Variants in SEC23A observed in about 807,000 individuals in gnomAD.
SEC23A encodes the protein SEC23 homolog A, COPII component.
SEC23A carries 56 observed loss-of-function variants against 103.7 expected under a neutral mutation model. The ratio of observed to expected loss-of-function variants is 0.54; its 90% CI spans 0.44 to 0.67. SEC23A has a LOEUF of 0.67. Among genes scored for constraint, SEC23A ranks in the 30% least tolerant of loss-of-function variants. The pLI, the probability that SEC23A is intolerant of heterozygous loss-of-function variation, is 0.00. For synonymous variants in SEC23A, 281 were observed against 293.0 expected (o/e 0.96, Z 0.42); for missense variants, 784 against 936.4 (o/e 0.84, Z 2.12).
At chr14:39,078,182 G>C (rs1274547855) in intron 7 of SEC23A, among the ~76,000 whole-genome samples, 2 of 152,012 alleles carry the variant, frequency 1.3e-5, no homozygotes, top group African/African-American at 4.8e-5. Flanking sequence ...TTGAGCCCAG[G>C]AGTTCGATGC....
rs759375833 is a variant in SEC23A at position 39,067,135 on chromosome 14, T to C, written c.1227+38A>G. 13 of 1,612,120 alleles carry C rather than the reference T, an allele frequency of 8.1e-6. No homozygotes were observed. The East Asian group carries it at 1.6e-4, about 19-fold the overall frequency. On this transcript the variant is annotated intron_variant, in intron 10 of 19. Coordinates refer to ENST00000307712, the MANE Select transcript of SEC23A (RefSeq NM_006364.4). ...TACACTCAAGCCTATAAGTTGTCTT[T>C]TGATAACATATCGCACATGTCAAGT...
chr14:39,064,868 C>G (rs1253197529), intron 11 of SEC23A, 45 bp downstream of exon 11: 1 of 1,368,672 alleles, frequency 7.3e-7, no homozygotes, highest in African/African-American at 1.4e-5. Context: ...GTGCAAGCCA[C>G]AGTTCCTGGT....
In SEC23A at chr14:39,061,810, T is replaced by C. The variant is rs770112771; in HGVS notation, c.1460A>G (p.His487Arg). ...TCGGATGCGTCTCTGCCCACTTGAA[T>C]GCTGATACTGAGTCACAAACTGGAT... is the stretch of plus-strand genomic sequence containing the variant. ...GAIQFVTQYQHSSGQRRIRVT... is the reference protein window; with the variant it reads ...GAIQFVTQYQRSSGQRRIRVT... The change falls in exon 13 of 20, where the codon CAT becomes CGT. Residue 487 changes from histidine to arginine, a missense_variant. His to Arg is a conservative substitution (Grantham distance 29). This residue lies in a region of SEC23A where 683 missense variants were observed against 774.2 expected (regional missense o/e 0.88). Coordinates refer to ENST00000307712, the MANE Select transcript of SEC23A (RefSeq NM_006364.4). The C allele has an allele frequency of 7.4e-6, 12 of 1,613,866 alleles. No homozygotes were observed. In the Admixed American group the frequency reaches 8.3e-5, roughly 11 times the overall value.
intron 13 of SEC23A, among the ~76,000 whole-genome samples, chr14:39,059,719 A>G (rs1365398910): frequency 6.6e-6 from 1 of 152,170 alleles, no homozygotes; most frequent in African/African-American, 2.4e-5. Flanking sequence ...TCTGCCTGAA[A>G]TACTTCAGTG....
At chr14:39,066,663 G>A (rs1469981920) in intron 10 of SEC23A, among the ~76,000 whole-genome samples, 2 of 151,970 alleles carry the variant, frequency 1.3e-5, no homozygotes, top group African/African-American at 2.4e-5. Context: ...TCAGGAGTTC[G>A]AGACCAGCCT....
intron 18 of SEC23A, chr14:39,039,363 T>C (rs1015959728): frequency 2.6e-6 from 1 of 382,298 alleles, no homozygotes; most frequent in Non-Finnish European, 4.6e-6. Flanking sequence ...AAAAATTATG[T>C]GTGCAACAAT....
At chr14:39,095,002 G>T in intron 2 of SEC23A, 1 of 700,428 alleles carries the variant, frequency 1.4e-6, no homozygotes, top group Non-Finnish European at 2.6e-6. Flanking sequence ...CTAGCTTCTG[G>T]GTAGAGAACA....
At chr14:39,091,393 T>C in intron 5 of SEC23A, 84 bp downstream of exon 5, 1 of 912,260 alleles carries the variant, frequency 1.1e-6, no homozygotes, top group South Asian at 1.4e-5. Flanking sequence ...AATAAAAATT[T>C]GTCCTAGAAA....
intron 16 of SEC23A, among the ~76,000 whole-genome samples, chr14:39,043,610 T>A (rs1009672871): frequency 6.6e-6 from 1 of 152,224 alleles, no homozygotes; most frequent in Non-Finnish European, 1.5e-5. Context: ...TTAGACTACA[T>A]CACTGAGAGG....
At chr14:39,094,682 G>T (rs1196292951) in intron 2 of SEC23A, among the ~76,000 whole-genome samples, 3 of 151,990 alleles carry the variant, frequency 2.0e-5, no homozygotes, top group African/African-American at 7.2e-5. Flanking sequence ...AGTATGATCA[G>T]AATGAAAAGG....
At chr14:39,078,588 G>A (rs1485090379) in intron 7 of SEC23A, among the ~76,000 whole-genome samples, 1 of 152,148 alleles carries the variant, frequency 6.6e-6, no homozygotes, top group Non-Finnish European at 1.5e-5. Flanking sequence ...GCCTGGAGAA[G>A]GGTCTTTGCA....
chr14:39,036,320 CAAAAAAAAAAAAA>C (rs59018206), intron 19 of SEC23A, among the ~76,000 whole-genome samples: 2 of 69,916 alleles, frequency 2.9e-5, no homozygotes, highest in Admixed American at 2.1e-4. Context: ...GACTCCGTCT[CAAAAAAAAAAAAA>C]AAAAAAAAAA....
At chr14:39,097,920 A>G (rs563945442) in intron 1 of SEC23A, among the ~76,000 whole-genome samples, 212 of 152,218 alleles carry the variant, frequency 1.4e-3, no homozygotes, top group Non-Finnish European at 2.6e-3. Context: ...CCCCGTCTCT[A>G]CTAAAAACAC....
At chr14:39,042,909 G>C in intron 16 of SEC23A, 37 bp from the exon 17 acceptor site, 8 of 1,256,684 alleles carry the variant, frequency 6.4e-6, no homozygotes, top group Non-Finnish European at 1.2e-6. Flanking sequence ...GAGGAAAAAG[G>C]AAAAATAATC....
At position 39,048,691 on chromosome 14, in the gene SEC23A, A is replaced by T. The variant is rs761166001; in HGVS notation, c.1698T>A (p.Ser566Arg). ...KFGEYHKDDP[S>R]SFRFSETFSL... ...AGAAAGTTTCTGAAAATCTGAAGGA[A>T]CTTGGGTCATCTTTATGATATTCTC... The change falls in exon 15 of 20, where the codon AGT (serine) becomes AGA (arginine). Residue 566 changes from serine (S) to arginine (R), a missense_variant. Coordinates refer to ENST00000307712, the MANE Select transcript of SEC23A (RefSeq NM_006364.4). 2 of 1,594,180 alleles carry T rather than the reference A, an allele frequency of 1.3e-6. No homozygotes were observed. The highest frequency in any genetic ancestry group is 2.2e-5 in the South Asian group (2 of 90,682).
intron 2 of SEC23A, 120 bp downstream of exon 2, chr14:39,095,778 G>A (rs894186683): frequency 7.6e-5 from 60 of 790,808 alleles, no homozygotes; most frequent in Non-Finnish European, 1.1e-4. Flanking sequence ...TGTTTTGACT[G>A]TCCTAATTTG....
intron 5 of SEC23A, chr14:39,091,017 C>A: frequency 2.6e-6 from 1 of 380,956 alleles, no homozygotes; most frequent in East Asian, 7.5e-5. Flanking sequence ...CCACTGCTGC[C>A]CCAGCTGAGG....
At chr14:39,090,114 C>A (rs1342822780) in intron 5 of SEC23A, among the ~76,000 whole-genome samples, 1 of 152,148 alleles carries the variant, frequency 6.6e-6, no homozygotes, top group Non-Finnish European at 1.5e-5. Flanking sequence ...CCTCAGTCTG[C>A]CAAGTTTCAA....
In SEC23A at chr14:39,074,297, T is replaced by C. The variant is rs796167433; in HGVS notation, c.1103+118A>G. ...GAATATCAAAAACTACTAACAGATG[T>C]GTTGCCTTGAAGTAGTGGGAAGATG... On this transcript the variant is annotated intron_variant, in intron 9 of 19. Transcript: ENST00000307712. 18 of 738,442 alleles carry C rather than the reference T, an allele frequency of 2.4e-5. No individual in the cohort carries two copies. In the Admixed American group the frequency reaches 3.4e-4, roughly 14 times the overall value. 45.7% of individuals were successfully genotyped at this position (738,442 alleles called of 1,614,324 possible).
Sources: gnomAD v4.1 joint callset for allele counts (sites outside exome capture counted in the v4.1 genomes callset) on GRCh38, gnomAD v4.1.1 for gene constraint, gnomAD v4.1.1 regional missense constraint, MANE v1.5 for transcripts, NCBI Gene and HGNC (gene_info 2026-07-23, HGNC 2026-07-21) for gene names.